The following WDTC1 variants were observed in gnomAD, a reference collection of about 807,000 sequenced individuals.
The protein encoded by WDTC1 is WD and tetratricopeptide repeats 1.
Under a neutral mutation model 76.0 loss-of-function variants are expected in WDTC1, and 12 were observed. The ratio of observed to expected loss-of-function variants is 0.16; its 90% CI spans 0.10 to 0.26. The LOEUF (loss-of-function observed/expected upper bound fraction) is 0.26, where lower values mean the gene tolerates loss of function less well. Among genes scored for constraint, WDTC1 ranks in the 10% least tolerant of loss-of-function variants. The pLI is 1.00. For missense variants in WDTC1, 511 were observed against 908.8 expected, an observed-to-expected ratio of 0.56 and a Z score of 5.63; for synonymous variants, 326 against 350.8, an observed-to-expected ratio of 0.93 and a Z score of 0.79.
intron 3 of WDTC1, among the ~76,000 whole-genome samples, chr1:27,276,295 A>G (rs1284386966): frequency 6.6e-6 from 1 of 152,234 alleles, no homozygotes; most frequent in Non-Finnish European, 1.5e-5. Flanking sequence ...TTTTTGAGGA[A>G]CTGCCAAACT....
intron 3 of WDTC1, among the ~76,000 whole-genome samples, chr1:27,276,865 G>T (rs986025097): frequency 6.6e-6 from 1 of 151,942 alleles, no homozygotes; most frequent in Non-Finnish European, 1.5e-5. Flanking sequence ...AGAAATGTCT[G>T]TTGAGATGCT....
At chr1:27,236,588 T>A (rs1036157316) in intron 1 of WDTC1, among the ~76,000 whole-genome samples, 6 of 152,170 alleles carry the variant, frequency 3.9e-5, no homozygotes, top group African/African-American at 1.4e-4. Flanking sequence ...ATGATGATGA[T>A]GTTAACAACT....
chr1:27,306,170 C>T lies in WDTC1; in HGVS notation c.1837-16C>T. The T allele has an allele frequency of 6.2e-7, 1 of 1,613,936 alleles. No homozygotes were observed. Among genetic ancestry groups the T allele is most frequent in the Non-Finnish European group, 8.5e-7 (1 of 1,179,970 alleles). On this transcript the variant is annotated splice_polypyrimidine_tract_variant and intron_variant, in intron 15 of 15. Coordinates refer to ENST00000319394, the MANE Select transcript of WDTC1 (RefSeq NM_001276252.2). The surrounding 1 kb of genome is among the most constrained non-coding windows in gnomAD (Gnocchi z 5.0). ...CTCCCTGAGCCCCACGTGTGTCACC[C>T]CTTTCTCCACCACAGAGTGAAGACC...
At chr1:27,260,103 TTTTTG>T (rs1266540561) in intron 1 of WDTC1, among the ~76,000 whole-genome samples, 48 of 152,036 alleles carry the variant, frequency 3.2e-4, no homozygotes, top group African/African-American at 1.1e-3. Flanking sequence ...TGTTTTTGTT[TTTTTG>T]TTTTGTTTTG....
At chr1:27,289,126 A>G in intron 6 of WDTC1, among the ~76,000 whole-genome samples, 1 of 143,314 alleles carries the variant, frequency 7.0e-6, no homozygotes, top group Non-Finnish European at 1.5e-5. Context: ...GGCTGGGCAG[A>G]GGGGCTCCTC....
rs1255963008 is a variant in WDTC1, at chr1:27,301,865, T to C, written c.1468+404T>C. Among the ~76,000 whole-genome samples the C allele has an allele frequency of 1.3e-5, 2 of 152,152 alleles. No homozygotes were observed. The highest frequency in any genetic ancestry group is 3.9e-4 in the East Asian group (2 of 5,194). ...ATTGTGTTTGTTCCGAGTGTACAAG[T>C]GCAGCAGAGACAATAGCGCAGAGCA... On this transcript the variant is annotated intron_variant, in intron 13 of 15. Transcript: ENST00000319394. The surrounding 1 kb of genome is among the most constrained non-coding windows in gnomAD (Gnocchi z 5.8).
intron 9 of WDTC1, among the ~76,000 whole-genome samples, chr1:27,295,697 C>T (rs1204543127): frequency 2.6e-5 from 4 of 151,914 alleles, no homozygotes; most frequent in African/African-American, 7.3e-5. Context: ...TCAGGTGATC[C>T]GCCCACCTCA....
intron 10 of WDTC1, 31 bp from the exon 11 acceptor site, chr1:27,297,017 T>C: frequency 6.2e-7 from 1 of 1,606,246 alleles, no homozygotes; most frequent in South Asian, 1.1e-5. Flanking sequence ...TCCTGAGTTG[T>C]TGCTGTCACT....
At chr1:27,241,890 GT>G (rs548982876) in intron 1 of WDTC1, among the ~76,000 whole-genome samples, 1 of 147,660 alleles carries the variant, frequency 6.8e-6, no homozygotes, top group African/African-American at 2.5e-5. Context: ...GTCTCACACT[GT>G]TTTTTTTTGT....
In WDTC1 at chr1:27,276,424, G is replaced by A. The variant is rs537290863; in HGVS notation, c.133-5815G>A. Among the ~76,000 whole-genome samples the A allele has an allele frequency of 2.6e-5, 4 of 152,122 alleles. No homozygotes were observed. In the East Asian group the frequency reaches 7.7e-4, roughly 29 times the overall value. On this transcript the variant is annotated intron_variant, in intron 3 of 15. Coordinates refer to ENST00000319394, the MANE Select transcript of WDTC1 (RefSeq NM_001276252.2). ...ATATTTTTTATTATAGGCCAGGCGC[G>A]GTGACTTATGCCTATAATCCCACAC...
rs1409263183 is a variant in WDTC1, at chr1:27,274,106, A to G, written c.133-8133A>G. The stretch of plus-strand genomic sequence containing the variant: ...CAGAATTGTGACCAGCCTGGGCAAC[A>G]TAACAGGACCTCATCTCTACAAAAA... On this transcript the variant is annotated intron_variant, in intron 3 of 15. Transcript: ENST00000319394. This position sits in a 1 kb window ranked among gnomAD's most constrained non-coding sequence, Gnocchi z 4.2. Among the ~76,000 whole-genome samples, 1 of 152,048 alleles carries G rather than the reference A, an allele frequency of 6.6e-6. No homozygotes were observed. The highest frequency in any genetic ancestry group is 2.4e-5 in the African/African-American group (1 of 41,374).
At chr1:27,254,735 C>G (rs962232083) in intron 1 of WDTC1, among the ~76,000 whole-genome samples, 11 of 152,206 alleles carry the variant, frequency 7.2e-5, no homozygotes, top group Admixed American at 2.0e-4. Flanking sequence ...CAGGTTAAAA[C>G]GATTCTCCTG....
At chr1:27,244,703 T>C (rs1169844535) in intron 1 of WDTC1, among the ~76,000 whole-genome samples, 3 of 152,212 alleles carry the variant, frequency 2.0e-5, no homozygotes, top group Non-Finnish European at 4.4e-5. Context: ...CCTTGCTTCG[T>C]TGCATCTTTC....
intron 3 of WDTC1, among the ~76,000 whole-genome samples, chr1:27,268,395 G>T (rs1179503381): frequency 1.7e-5 from 1 of 58,524 alleles, no homozygotes; most frequent in African/African-American, 5.8e-5. Context: ...TAATTTTTTA[G>T]GGTTTTGTTT....
chr1:27,294,460 C>A, intron 8 of WDTC1, 54 bp from the exon 9 acceptor site: 1 of 1,497,514 alleles, frequency 6.7e-7, no homozygotes, highest in Non-Finnish European at 9.3e-7. Context: ...CACACAATCT[C>A]ATGCCCCTTT....
In WDTC1 at chr1:27,303,559, G is replaced by A. The variant is rs929360732; in HGVS notation, c.1469-62G>A. 47 of 1,518,364 alleles carry A rather than the reference G, an allele frequency of 3.1e-5. No individual in the cohort carries two copies. The highest frequency in any genetic ancestry group is 1.9e-4 in the Admixed American group (8 of 42,304). The allele number at this position is 1,518,364 out of a possible 1,614,324, so 94.1% of individuals were successfully genotyped here. A position where few individuals can be genotyped will look rare whatever the true frequency, so the allele number is the denominator to read the frequency against. On this transcript the variant is annotated intron_variant, in intron 13 of 15. Transcript: ENST00000319394. This position sits in a 1 kb window ranked among gnomAD's most constrained non-coding sequence, Gnocchi z 4.8. ...GGACTGAAAACAGAGCCATAGGTGG[G>A]GGAAAATAGGGAAGGAGAGAAAGGA...
intron 5 of WDTC1, 137 bp downstream of exon 5, chr1:27,283,586 C>G: frequency 1.5e-6 from 1 of 674,998 alleles, no homozygotes. Context: ...ATCTAAGTAT[C>G]TGTTGGTGAT....
At chr1:27,258,123 G>A (rs2012344775) in intron 1 of WDTC1, among the ~76,000 whole-genome samples, 1 of 151,606 alleles carries the variant, frequency 6.6e-6, no homozygotes, top group African/African-American at 2.4e-5. Context: ...GTCCTGCCAG[G>A]CACGGTGGCT....
intron 3 of WDTC1, among the ~76,000 whole-genome samples, chr1:27,272,738 T>A (rs2012906616): frequency 1.3e-5 from 2 of 152,054 alleles, no homozygotes; most frequent in South Asian, 4.2e-4. Flanking sequence ...CATAGTGAGA[T>A]CCCTATCTCC....
Sources: allele counts gnomAD v4.1 joint callset (sites outside exome capture counted in the v4.1 genomes callset), GRCh38; gene constraint gnomAD v4.1.1; non-coding constraint Gnocchi (gnomAD v3.1); transcripts MANE v1.5; gene names NCBI Gene and HGNC (gene_info 2026-07-23, HGNC 2026-07-21).